Variants in NEBL observed in about 807,000 individuals in gnomAD.
NEBL encodes the protein LIM and SH3 protein 2.
Under a neutral mutation model 140.2 loss-of-function variants are expected in NEBL, and 122 were observed. That is an observed-to-expected ratio of 0.87 (90% CI 0.75 to 1.01). The LOEUF (loss-of-function observed/expected upper bound fraction) is 1.01. Among genes scored for constraint, NEBL ranks in the 50% least tolerant of loss-of-function variants. The pLI, the probability that NEBL is intolerant of heterozygous loss-of-function variation, is 0.00. For synonymous variants in NEBL, 436 were observed against 398.9 expected, an observed-to-expected ratio of 1.09 and a Z score of -1.11; for missense variants, 1,365 against 1,231.3, an observed-to-expected ratio of 1.11 and a Z score of -1.62.
At chr10:20,831,435 G>T in intron 15 of NEBL, 38 bp downstream of exon 15, 1 of 1,545,094 alleles carries the variant, frequency 6.5e-7, no homozygotes, top group East Asian at 2.2e-5. Flanking sequence ...ATGATTCACG[G>T]CATTTATTTT....
intron 4 of NEBL, among the ~76,000 whole-genome samples, chr10:20,902,725 C>A (rs986287019): frequency 6.6e-6 from 1 of 152,052 alleles, no homozygotes; most frequent in African/African-American, 2.4e-5. Context: ...AGCAATTAAG[C>A]TAATACCATG....
chr10:20,846,821 G>A (rs1208497126), intron 11 of NEBL, among the ~76,000 whole-genome samples: 8 of 151,644 alleles, frequency 5.3e-5, no homozygotes, highest in South Asian at 4.2e-4. Context: ...GGTTAATTAC[G>A]ACTAGAAGTA....
intron 4 of NEBL, among the ~76,000 whole-genome samples, chr10:20,904,706 C>T (rs1190213867): frequency 6.6e-6 from 1 of 152,184 alleles, no homozygotes; most frequent in African/African-American, 2.4e-5. Context: ...AGTTAACTCA[C>T]CACAGCCGCA....
chr10:20,866,718 C>T (rs1471292856), intron 7 of NEBL, among the ~76,000 whole-genome samples: 1 of 152,162 alleles, frequency 6.6e-6, no homozygotes, highest in Non-Finnish European at 1.5e-5. Flanking sequence ...CGTCTTTCTT[C>T]TCCACACTAA....
intron 2 of NEBL, among the ~76,000 whole-genome samples, chr10:21,142,715 G>A (rs532228023): frequency 2.6e-5 from 4 of 152,286 alleles, no homozygotes; most frequent in East Asian, 3.9e-4. Flanking sequence ...TACTGCTACT[G>A]CCTTCTGAGA....
chr10:21,248,625 C>T (rs183139610), intron 2 of NEBL, among the ~76,000 whole-genome samples: 37 of 152,312 alleles, frequency 2.4e-4, no homozygotes, highest in Non-Finnish European at 3.5e-4. Flanking sequence ...CTGCTATGAA[C>T]ATGAGGTTAT....
intron 2 of NEBL, chr10:21,125,789 T>C (rs565603664): frequency 2.2e-5 from 33 of 1,470,664 alleles, no homozygotes; most frequent in South Asian, 1.9e-4. Context: ...TTTTATTGTA[T>C]ATGGTATGGT....
chr10:21,242,872 T>C (rs1051658001), intron 3 of NEBL, among the ~76,000 whole-genome samples: 1 of 152,110 alleles, frequency 6.6e-6, no homozygotes, highest in Non-Finnish European at 1.5e-5. Context: ...CTATGAAATG[T>C]CAACAAGCAA....
At position 20,961,538 on chromosome 10, in the gene NEBL, GGCATAGTCTATGCGT is replaced by G. The variant is rs148506474; in HGVS notation, c.357+119_357+133del. 4.2e-3 allele frequency: 3,152 copies of G among 755,460 alleles called. 46 individuals carry two copies. The highest frequency in any genetic ancestry group is 0.039 in the African/African-American group (2,284 of 58,916). The allele number at this position is 755,460 out of a possible 1,614,324, so 46.8% of individuals were successfully genotyped here. ...AGGGCAGGGTTTACCAGATGAAATT[GGCATAGTCTATGCGT>G]GCACTGAGTACTGCTTGCACCCCAC... On this transcript the variant is annotated intron_variant, in intron 4 of 6. Coordinates refer to the NEBL transcript ENST00000417816.
Position 20,837,326 on chromosome 10 carries a change from T to A in NEBL, c.1339-1703A>T, listed in dbSNP as rs202048892. 2.6e-5 allele frequency among the ~76,000 whole-genome samples: 4 copies of A among 152,214 alleles called. No homozygotes were observed. In the East Asian group the frequency reaches 7.7e-4, roughly 29 times the overall value. On this transcript the variant is annotated intron_variant, in intron 13 of 27. Transcript: ENST00000377122. ...ATTGCTGATATAGAGAAAGTTTTAG[T>A]GGTCTGAATAGGTCAAACCAGACAA...
At chr10:21,008,312 T>C (rs1283498388) in intron 3 of NEBL, among the ~76,000 whole-genome samples, 1 of 152,218 alleles carries the variant, frequency 6.6e-6, no homozygotes, top group African/African-American at 2.4e-5. Flanking sequence ...GTGAGTAAAG[T>C]ACAATAAGAT....
intron 14 of NEBL, among the ~76,000 whole-genome samples, chr10:20,834,976 T>C (rs1156582106): frequency 2.0e-5 from 3 of 152,226 alleles, no homozygotes; most frequent in Non-Finnish European, 2.9e-5. Context: ...ATCAGATGAA[T>C]GAACATGGTC....
At chr10:20,826,098 A>G (rs1839825084) in intron 18 of NEBL, among the ~76,000 whole-genome samples, 1 of 152,180 alleles carries the variant, frequency 6.6e-6, no homozygotes, top group Non-Finnish European at 1.5e-5. Context: ...TCAGGGAAAA[A>G]TTTCTTTCTT....
intron 4 of NEBL, among the ~76,000 whole-genome samples, chr10:20,960,907 G>T (rs1836020889): frequency 6.6e-6 from 1 of 152,022 alleles, no homozygotes; most frequent in African/African-American, 2.4e-5. Flanking sequence ...TATGAGTGTT[G>T]CCTGTTTGCT....
intron 1 of NEBL, among the ~76,000 whole-genome samples, chr10:21,267,447 GA>G (rs555517279): frequency 3.3e-5 from 5 of 152,188 alleles, no homozygotes; most frequent in South Asian, 2.1e-4. Flanking sequence ...GGATAGTTGG[GA>G]AAAAAAACTT....
At chr10:21,284,101 T>A (rs1843025839) in intron 1 of NEBL, among the ~76,000 whole-genome samples, 1 of 137,294 alleles carries the variant, frequency 7.3e-6, no homozygotes, top group Non-Finnish European at 1.5e-5. Context: ...TCCCAGCTAC[T>A]CAGGAAGCTG....
At chr10:21,093,579 G>T (rs949690220) in intron 2 of NEBL, among the ~76,000 whole-genome samples, 2 of 152,196 alleles carry the variant, frequency 1.3e-5, no homozygotes, top group African/African-American at 4.8e-5. Context: ...ACAGGAGAAA[G>T]AATATGCAAC....
chr10:20,961,862 A>T, intron 3 of NEBL: 1 of 995,274 alleles, frequency 1.0e-6, no homozygotes, highest in Non-Finnish European at 1.6e-6. Context: ...AGCTGCTGGA[A>T]TTGGAAACAA....
At chr10:20,894,287 T>C (rs952784678) in intron 2 of NEBL, among the ~76,000 whole-genome samples, 4 of 151,212 alleles carry the variant, frequency 2.6e-5, no homozygotes, top group East Asian at 2.0e-4. Context: ...CTGGGCAACA[T>C]AGTGAGACTC....
Sources: allele counts gnomAD v4.1 joint callset (sites outside exome capture counted in the v4.1 genomes callset), GRCh38; gene constraint gnomAD v4.1.1; transcripts MANE v1.5; gene names NCBI Gene and HGNC (gene_info 2026-07-23, HGNC 2026-07-21).